The following AUTS2 variants were observed in gnomAD, a reference collection of about 807,000 sequenced individuals.
AUTS2 encodes the protein autism susceptibility gene 2 protein.
A neutral mutation model predicts 112.4 loss-of-function variants in AUTS2; 17 were observed. That is an observed-to-expected ratio of 0.15 (90% CI 0.10 to 0.23). The LOEUF (loss-of-function observed/expected upper bound fraction) is 0.23. AUTS2 is among the 10% of genes least tolerant of loss of function. The probability of loss-of-function intolerance (pLI) is 1.00; values close to 1 mark genes in which losing one functional copy is unlikely to be tolerated. For synonymous variants in AUTS2, 751 were observed against 702.7 expected, an observed-to-expected ratio of 1.07 and a Z score of -1.09; for missense variants, 1,510 against 1,701.6, an observed-to-expected ratio of 0.89 and a Z score of 1.98.
chr7:69,642,541 A>G (rs187383788), intron 1 of AUTS2, among the ~76,000 whole-genome samples: 68 of 152,338 alleles, frequency 4.5e-4, no homozygotes, highest in African/African-American at 1.6e-3. Context: ...GGACTTGTGT[A>G]TAGGAACCTG....
chr7:70,320,576 C>T (rs1790208916), intron 4 of AUTS2, among the ~76,000 whole-genome samples: 1 of 152,202 alleles, frequency 6.6e-6, no homozygotes, highest in African/African-American at 2.4e-5. Context: ...TGTACTACAT[C>T]ACTGGGGAAG....
chr7:70,790,879 C>G lies in AUTS2; in HGVS notation c.3663C>G (p.Pro1221=). The G allele has an allele frequency of 6.2e-7, 1 of 1,603,008 alleles. No homozygotes were observed. The highest frequency in any genetic ancestry group is 8.5e-7 in the Non-Finnish European group (1 of 1,174,270). Reference sequence around the variant, plus strand: ...CGACAGCAGCGCTGAGCGCACCTCCCCCGCTCATCTCCACGCTGGGGGGCC... The same window carrying G: ...CGACAGCAGCGCTGAGCGCACCTCCGCCGCTCATCTCCACGCTGGGGGGCC... ...TPPTAALSAP[P]PLISTLGGRP... is the part of the protein sequence containing the mutation. Residue 1221 remains proline (P), a synonymous_variant, in exon 19 of 19, where the codon CCC becomes CCG. Transcript: ENST00000342771. The surrounding 1 kb of genome is among the most constrained non-coding windows in gnomAD (Gnocchi z 7.6).
intron 5 of AUTS2, among the ~76,000 whole-genome samples, chr7:70,441,611 T>C (rs1796126232): frequency 6.6e-6 from 1 of 152,326 alleles, no homozygotes; most frequent in Admixed American, 6.5e-5. Flanking sequence ...GGTCTCAAAC[T>C]CTTGGCCTCA....
chr7:70,113,591 A>T (rs2129571805), intron 2 of AUTS2, among the ~76,000 whole-genome samples: 1 of 152,336 alleles, frequency 6.6e-6, no homozygotes, highest in East Asian at 1.9e-4. Flanking sequence ...CAGCAGTCTG[A>T]AAAAGGATAT....
intron 6 of AUTS2, among the ~76,000 whole-genome samples, chr7:70,738,760 G>A (rs917133360): frequency 3.3e-5 from 5 of 152,182 alleles, no homozygotes; most frequent in African/African-American, 1.2e-4. Context: ...CTATTGGAAA[G>A]GAGGATGTTG....
intron 4 of AUTS2, among the ~76,000 whole-genome samples, chr7:70,208,549 C>T (rs532592241): frequency 6.1e-4 from 93 of 152,196 alleles, no homozygotes; most frequent in South Asian, 4.1e-3. Flanking sequence ...CTGAGCCAGG[C>T]ATTGTTCTTT....
At chr7:70,727,077 G>A (rs773998704) in intron 6 of AUTS2, among the ~76,000 whole-genome samples, 2 of 152,124 alleles carry the variant, frequency 1.3e-5, no homozygotes, top group African/African-American at 4.8e-5. Context: ...TGAAGGCTGG[G>A]TATTAACATC....
chr7:70,450,498 A>C (rs1362749871), intron 5 of AUTS2, among the ~76,000 whole-genome samples: 1 of 152,190 alleles, frequency 6.6e-6, no homozygotes, highest in African/African-American at 2.4e-5. Flanking sequence ...ATGTGGAGAG[A>C]AGCATGAAAA....
chr7:69,779,775 A>G lies in AUTS2; in HGVS notation c.310-119511A>G, dbSNP rs1433005677. On this transcript the variant is annotated intron_variant, in intron 1 of 18. Transcript: ENST00000342771. ...CGAGACTCCATCTCAAAAAAAAAAAAAAAAATTAAAAAAAAATATATATAT... is the reference window on the plus strand; with the variant it reads ...CGAGACTCCATCTCAAAAAAAAAAAGAAAAATTAAAAAAAAATATATATAT... 2.0e-5 allele frequency among the ~76,000 whole-genome samples: 3 copies of G among 151,194 alleles called. No homozygotes were observed. In the East Asian group the frequency reaches 5.8e-4, roughly 29 times the overall value.
chr7:70,374,883 C>T (rs1248901440), intron 4 of AUTS2, among the ~76,000 whole-genome samples: 1 of 152,128 alleles, frequency 6.6e-6, no homozygotes, highest in Admixed American at 6.5e-5. Flanking sequence ...GAGGCAAGAA[C>T]TCCCTAAACC....
At chr7:70,553,760 C>CTTTTTTTTTT (rs71531706) in intron 5 of AUTS2, among the ~76,000 whole-genome samples, 21 of 56,110 alleles carry the variant, frequency 3.7e-4, no homozygotes, top group East Asian at 2.1e-3. Context: ...GCCTTTCTTT[C>CTTTTTTTTTT]TTTTTTTTTT....
At chr7:69,950,642 T>C (rs1283712754) in intron 2 of AUTS2, among the ~76,000 whole-genome samples, 1 of 152,116 alleles carries the variant, frequency 6.6e-6, no homozygotes, top group African/African-American at 2.4e-5. Flanking sequence ...GCTTTTCTGA[T>C]CACCTTATAC....
intron 5 of AUTS2, among the ~76,000 whole-genome samples, chr7:70,622,104 C>G (rs1452457866): frequency 1.3e-5 from 2 of 151,930 alleles, no homozygotes; most frequent in East Asian, 3.9e-4. Context: ...TCCCAAAGTG[C>G]TGGGATTACA....
At chr7:70,178,878 T>C (rs1809147437) in intron 4 of AUTS2, among the ~76,000 whole-genome samples, 1 of 152,214 alleles carries the variant, frequency 6.6e-6, no homozygotes, top group African/African-American at 2.4e-5. Flanking sequence ...TGGATGTCTT[T>C]TGGAATGCCC....
At chr7:70,397,829 A>G (rs1414023271) in intron 4 of AUTS2, among the ~76,000 whole-genome samples, 1 of 152,146 alleles carries the variant, frequency 6.6e-6, no homozygotes, top group African/African-American at 2.4e-5. Flanking sequence ...GTTTTGCCTA[A>G]CTCAAGGTTA....
chr7:70,487,935 C>T (rs1000537763), intron 5 of AUTS2, among the ~76,000 whole-genome samples: 10 of 152,254 alleles, frequency 6.6e-5, no homozygotes, highest in African/African-American at 2.4e-4. Context: ...AAGGCTGGGG[C>T]GGTGGTGGGC....
chr7:69,694,249 G>C (rs1797462157), intron 1 of AUTS2, among the ~76,000 whole-genome samples: 1 of 152,112 alleles, frequency 6.6e-6, no homozygotes, highest in South Asian at 2.1e-4. Flanking sequence ...CTCACTCCTG[G>C]AAATTCTGAC....
intron 1 of AUTS2, among the ~76,000 whole-genome samples, chr7:69,763,706 T>C (rs1172679370): frequency 6.6e-6 from 1 of 152,222 alleles, no homozygotes; most frequent in African/African-American, 2.4e-5. Flanking sequence ...CCCTACTTCA[T>C]AGGGTGTTAG....
At chr7:70,326,082 A>G (rs1790473086) in intron 4 of AUTS2, among the ~76,000 whole-genome samples, 1 of 152,076 alleles carries the variant, frequency 6.6e-6, no homozygotes, top group Admixed American at 6.6e-5. Flanking sequence ...TTGAGCCTAG[A>G]GAGGCAATCA....
Sources: gnomAD v4.1 joint callset for allele counts (sites outside exome capture counted in the v4.1 genomes callset) on GRCh38, gnomAD v4.1.1 for gene constraint, Gnocchi (gnomAD v3.1) non-coding constraint, MANE v1.5 for transcripts, NCBI Gene and HGNC (gene_info 2026-07-23, HGNC 2026-07-21) for gene names.